The following PHTF1 variants were observed in gnomAD, a reference collection of about 807,000 sequenced individuals.
The protein encoded by PHTF1 is protein PHTF1.
In PHTF1, 88 loss-of-function variants were observed where a neutral mutation model predicts 102.4. The ratio of observed to expected loss-of-function variants is 0.86; its 90% CI spans 0.72 to 1.03. PHTF1 has a LOEUF of 1.03. PHTF1 is among the 50% of genes least tolerant of loss of function. The pLI, the probability that PHTF1 is intolerant of heterozygous loss-of-function variation, is 0.00. For synonymous variants in PHTF1, 289 were observed against 305.2 expected, an observed-to-expected ratio of 0.95 and a Z score of 0.55; for missense variants, 814 against 909.5, an observed-to-expected ratio of 0.89 and a Z score of 1.35.
chr1:113,737,049 G>T (rs750425089), intron 5 of PHTF1, among the ~76,000 whole-genome samples: 1 of 152,160 alleles, frequency 6.6e-6, no homozygotes, highest in Non-Finnish European at 1.5e-5. Context: ...TTATTCCAGT[G>T]GTCTAAGCAA....
chr1:113,704,589 C>A (rs1257069676), intron 14 of PHTF1, 77 bp downstream of exon 14: 2 of 1,056,510 alleles, frequency 1.9e-6, no homozygotes, highest in Non-Finnish European at 2.8e-6. Context: ...ACTACACTGT[C>A]TACTGAGTAA....
Position 113,757,745 on chromosome 1 carries a change from T to C in PHTF1, c.56A>G (p.Tyr19Cys). ...TGACTTTTCCCATATCTGCTGATCGTAGGCTCCAATCTGAAAGAGGGAGTA... is the reference window on the plus strand; with the variant it reads ...TGACTTTTCCCATATCTGCTGATCGCAGGCTCCAATCTGAAAGAGGGAGTA... ...ISWYQKKIGA[Y>C]DQQIWEKSIE... The change falls in exon 3 of 19, where the codon TAC becomes TGC. Residue 19 changes from tyrosine (Y) to cysteine (C), a missense_variant. Transcript: ENST00000369604. 2 of 1,602,962 alleles carry C rather than the reference T, an allele frequency of 1.2e-6. No homozygotes were observed. The highest frequency in any genetic ancestry group is 2.2e-5 in the South Asian group (2 of 90,822).
In PHTF1 at chr1:113,738,217, C is replaced by T. The variant is rs146537741; in HGVS notation, c.224G>A (p.Arg75Gln). Residue 75 changes from arginine (R) to glutamine (Q), a missense_variant, in exon 5 of 19, where the codon CGG (arginine) becomes CAG (glutamine). Arg to Gln is a conservative substitution (Grantham distance 43). Coordinates refer to ENST00000369604, the MANE Select transcript of PHTF1 (RefSeq NM_001323043.2). The stretch of plus-strand genomic sequence containing the variant: ...AAATACAACTCGAACAAGCCCCTTC[C>T]GAGTCAGAGATGTCCATGGAATTTC... ...KPEIPWTSLT[R>Q]KGLVRVVFFP... 2.2e-5 allele frequency: 35 copies of T among 1,613,808 alleles called. No individual in the cohort carries two copies. Among genetic ancestry groups the T allele is most frequent in the African/African-American group, 1.7e-4 (13 of 75,022 alleles).
At chr1:113,713,239 TG>T in intron 8 of PHTF1, 39 bp downstream of exon 8, 1 of 1,561,624 alleles carries the variant, frequency 6.4e-7, no homozygotes, top group Non-Finnish European at 8.8e-7. Context: ...AAATGTTACA[TG>T]GGGAAAAAAA....
intron 3 of PHTF1, among the ~76,000 whole-genome samples, chr1:113,753,084 T>C (rs1658330061): frequency 6.6e-6 from 1 of 152,234 alleles, no homozygotes; most frequent in Admixed American, 6.5e-5. Context: ...ATTACATTAC[T>C]TTGTTTTCAA....
In PHTF1 at chr1:113,710,359, A is replaced by G. The variant is rs1234110065; in HGVS notation, c.1164T>C (p.His388=). Reference sequence around the variant, plus strand: ...TGACAGATGACCGGCACTCTGGGCCATGTAGCAGGTCGTCCCATAACATGT... The same window carrying G: ...TGACAGATGACCGGCACTCTGGGCCGTGTAGCAGGTCGTCCCATAACATGT... ...TEDMLWDDLL[H]GPECRSSVTS... The change falls in exon 11 of 19, where the codon CAT becomes CAC. Residue 388 remains histidine (H), a synonymous_variant. Coordinates refer to ENST00000369604, the MANE Select transcript of PHTF1 (RefSeq NM_001323043.2). 1.2e-6 allele frequency: 2 copies of G among 1,614,070 alleles called. No individual in the cohort carries two copies. Among genetic ancestry groups the G allele is most frequent in the Non-Finnish European group, 1.7e-6 (2 of 1,180,034 alleles).
chr1:113,756,685 T>G (rs1366558239), intron 3 of PHTF1, among the ~76,000 whole-genome samples: 1 of 152,192 alleles, frequency 6.6e-6, no homozygotes, highest in Non-Finnish European at 1.5e-5. Context: ...CATCCCCAAA[T>G]GGCTTAACCC....
chr1:113,757,049 C>A (rs1658994965), intron 3 of PHTF1, among the ~76,000 whole-genome samples: 1 of 152,012 alleles, frequency 6.6e-6, no homozygotes, highest in Non-Finnish European at 1.5e-5. Flanking sequence ...CGCCTGTAGT[C>A]CCAGCTACTC....
chr1:113,704,056 C>T, intron 15 of PHTF1, 25 bp downstream of exon 15: 1 of 1,505,652 alleles, frequency 6.6e-7, no homozygotes, highest in Non-Finnish European at 9.2e-7. Flanking sequence ...TTCATTTTTC[C>T]TTAAAGCAGA....
chr1:113,743,725 C>T (rs1656767797), intron 3 of PHTF1, among the ~76,000 whole-genome samples: 1 of 152,120 alleles, frequency 6.6e-6, no homozygotes, highest in Admixed American at 6.6e-5. Flanking sequence ...AATTTTTCAG[C>T]TCCATTATAA....
chr1:113,723,622 AAATAAAAGTT>A (rs1336202019), intron 7 of PHTF1, among the ~76,000 whole-genome samples: 2 of 152,246 alleles, frequency 1.3e-5, no homozygotes, highest in African/African-American at 4.8e-5. Flanking sequence ...TGCAAAAATC[AAATAAAAGTT>A]AATTAAAGAA....
At chr1:113,733,799 A>T (rs1445892108) in intron 5 of PHTF1, among the ~76,000 whole-genome samples, 2 of 152,200 alleles carry the variant, frequency 1.3e-5, no homozygotes, top group East Asian at 3.8e-4. Context: ...ATAAGACAGA[A>T]ATTGGTACTG....
At chr1:113,724,559 CAG>C (rs1258230397) in intron 7 of PHTF1, among the ~76,000 whole-genome samples, 198 bp downstream of exon 7, 2 of 137,848 alleles carry the variant, frequency 1.5e-5, no homozygotes, top group South Asian at 2.3e-4. Context: ...AAAAAAAAAA[CAG>C]AATACTTCCA....
At chr1:113,755,624 G>A (rs898960689) in intron 3 of PHTF1, among the ~76,000 whole-genome samples, 1 of 152,112 alleles carries the variant, frequency 6.6e-6, no homozygotes, top group Non-Finnish European at 1.5e-5. Context: ...AGAGTTCCTA[G>A]TATGAATCAA....
At chr1:113,704,897 G>T in intron 13 of PHTF1, 100 bp from the exon 14 acceptor site, 2 of 867,310 alleles carry the variant, frequency 2.3e-6, no homozygotes, top group Non-Finnish European at 3.5e-6. Context: ...ATATTAAAAA[G>T]AATGAAGTTC....
In PHTF1 at chr1:113,738,771, C is replaced by T; in HGVS notation, c.131G>A (p.Gly44Asp). The T allele has an allele frequency of 6.2e-7, 1 of 1,603,358 alleles. No homozygotes were observed. The highest frequency in any genetic ancestry group is 1.3e-5 in the African/African-American group (1 of 74,576). The change falls in exon 4 of 19, where the codon GGC (glycine) becomes GAC (aspartate). Residue 44 changes from glycine (G) to aspartate (D), a missense_variant. Coordinates refer to ENST00000369604, the MANE Select transcript of PHTF1 (RefSeq NM_001323043.2). ...GTCAATCAAGTCTGGCTTTATGTGGCCCATCTTTTTCGGTTTGTTTTTCAA... is the reference window on the plus strand; with the variant it reads ...GTCAATCAAGTCTGGCTTTATGTGGTCCATCTTTTTCGGTTTGTTTTTCAA... ...KGLKNKPKKM[G>D]HIKPDLIDVD...
chr1:113,736,236 G>C (rs1304348587), intron 5 of PHTF1, among the ~76,000 whole-genome samples: 2 of 151,660 alleles, frequency 1.3e-5, no homozygotes, highest in East Asian at 3.9e-4. Flanking sequence ...CAGCTACTCG[G>C]GAGGCTGAGG....
chr1:113,726,560 A>C lies in PHTF1; in HGVS notation c.346T>G (p.Leu116Val). Residue 116 changes from leucine to valine, a missense_variant, in exon 6 of 19, where the codon TTA (leucine) becomes GTA (valine). Physicochemically the swap from Leu to Val is conservative, Grantham distance 32. Coordinates refer to ENST00000369604, the MANE Select transcript of PHTF1 (RefSeq NM_001323043.2). ...TTCACAATAGGCATCATCAAATATAAGACAATTGCTATAACTGAAAAGAAG... is the reference window on the plus strand; with the variant it reads ...TTCACAATAGGCATCATCAAATATACGACAATTGCTATAACTGAAAAGAAG... ...LYFMQVIAIV[L>V]YLMMPIVNIS... 1 of 1,583,106 alleles carries C rather than the reference A, an allele frequency of 6.3e-7. No individual in the cohort carries two copies. The highest frequency in any genetic ancestry group is 8.6e-7 in the Non-Finnish European group (1 of 1,166,864).
chr1:113,758,991 G>T, intron 1 of PHTF1, 32 bp downstream of exon 1: 1 of 1,087,540 alleles, frequency 9.2e-7, no homozygotes, highest in South Asian at 3.8e-5. Context: ...CCCGGCACCC[G>T]CCTCCTTCGC....
Sources: gnomAD v4.1 joint callset for allele counts (sites outside exome capture counted in the v4.1 genomes callset) on GRCh38, gnomAD v4.1.1 for gene constraint, MANE v1.5 for transcripts, NCBI Gene and HGNC (gene_info 2026-07-23, HGNC 2026-07-21) for gene names.